ARHGAP40: variants seen among roughly 807,000 people sequenced by gnomAD.
The protein encoded by ARHGAP40 is rho GTPase-activating protein 40.
Under a neutral mutation model 73.5 loss-of-function variants are expected in ARHGAP40, and 43 were observed. That is an observed-to-expected ratio of 0.58 (90% CI 0.46 to 0.75). The LOEUF (loss-of-function observed/expected upper bound fraction) is 0.75. Among genes scored for constraint, ARHGAP40 ranks in the 30% least tolerant of loss-of-function variants. The probability of loss-of-function intolerance (pLI) is 0.00; values close to 1 mark genes in which losing one functional copy is unlikely to be tolerated. For synonymous variants in ARHGAP40, 300 were observed against 352.8 expected, an observed-to-expected ratio of 0.85 and a Z score of 1.68; for missense variants, 734 against 861.8, an observed-to-expected ratio of 0.85 and a Z score of 1.86.
At chr20:38,620,417 G>C (rs939154414) in intron 1 of ARHGAP40, among the ~76,000 whole-genome samples, 1 of 152,174 alleles carries the variant, frequency 6.6e-6, no homozygotes, top group African/African-American at 2.4e-5. Flanking sequence ...GACCTCCTCA[G>C]AATGTTCTTC....
chr20:38,647,374 CTGTTGGTTTGTT>C (rs756249904), intron 13 of ARHGAP40, among the ~76,000 whole-genome samples: 44 of 96,872 alleles, frequency 4.5e-4, no homozygotes, highest in African/African-American at 1.5e-3. Flanking sequence ...CCATGTTTTT[CTGTTGGTTTGTT>C]TGTTTGTTTG....
chr20:38,643,810 G>C (rs1258114825), exon 11 of ARHGAP40: 1 of 1,305,648 alleles, frequency 7.7e-7, no homozygotes, highest in Admixed American at 2.3e-5. Context: ...CTGCACCAAG[G>C]GCGGCCCCCC....
At chr20:38,627,087 T>C (rs1247314977) in exon 3 of ARHGAP40, 2 of 1,305,406 alleles carry the variant, frequency 1.5e-6, no homozygotes, top group South Asian at 2.5e-5. Context: ...GGAGCTCCTG[T>C]CCACCCTGAC....
chr20:38,615,592 G>C (rs1231054758), intron 1 of ARHGAP40: 6 of 489,108 alleles, frequency 1.2e-5, no homozygotes, highest in African/African-American at 9.9e-5. Flanking sequence ...TGCTCTAAGA[G>C]GTCCAATTTC....
At chr20:38,636,858 G>C (rs915607397) in intron 6 of ARHGAP40, among the ~76,000 whole-genome samples, 3 of 151,948 alleles carry the variant, frequency 2.0e-5, no homozygotes, top group Non-Finnish European at 4.4e-5. Flanking sequence ...TTGGTTTTTT[G>C]GTTTGTTTCT....
At chr20:38,612,154 T>G (rs2088808334) in intron 1 of ARHGAP40, among the ~76,000 whole-genome samples, 1 of 152,208 alleles carries the variant, frequency 6.6e-6, no homozygotes, top group African/African-American at 2.4e-5. Context: ...AATGAGATAT[T>G]TTACATTTTC....
At chr20:38,628,245 T>C (rs2088914714) in intron 3 of ARHGAP40, among the ~76,000 whole-genome samples, 1 of 152,000 alleles carries the variant, frequency 6.6e-6, no homozygotes, top group African/African-American at 2.4e-5. Flanking sequence ...TATGGAGAGG[T>C]GTTTTTGCCT....
intron 11 of ARHGAP40, 90 bp downstream of exon 11, chr20:38,644,000 C>T (rs2089036355): frequency 1.7e-6 from 2 of 1,143,792 alleles, no homozygotes; most frequent in South Asian, 1.5e-5. Flanking sequence ...CCTTTCAGTT[C>T]CCTAGTGTGT....
chr20:38,650,064 G>A (rs558758921), exon 15 of ARHGAP40: 9 of 360,770 alleles, frequency 2.5e-5, no homozygotes, highest in South Asian at 1.7e-4. Context: ...GCCTCAGGGA[G>A]GGGAGGCCAA....
At chr20:38,623,064 G>T (rs1481131863) in intron 1 of ARHGAP40, among the ~76,000 whole-genome samples, 1 of 152,178 alleles carries the variant, frequency 6.6e-6, no homozygotes, top group Admixed American at 6.5e-5. Context: ...CCCCTCTTGG[G>T]AATGCTGCCT....
exon 9 of ARHGAP40, chr20:38,639,301 C>A: frequency 7.7e-7 from 1 of 1,305,474 alleles, no homozygotes; most frequent in African/African-American, 1.5e-5. Context: ...ACAATGACGC[C>A]TCTGATTTGC....
At chr20:38,633,829 ATT>A (rs1431076109) in intron 5 of ARHGAP40, among the ~76,000 whole-genome samples, 1 of 152,170 alleles carries the variant, frequency 6.6e-6, no homozygotes, top group Admixed American at 6.5e-5. Context: ...ACGGTTGAGC[ATT>A]CTTTATTTCT....
intron 7 of ARHGAP40, 104 bp from the exon 8 acceptor site, chr20:38,638,657 C>T: frequency 1.2e-6 from 1 of 810,880 alleles, no homozygotes. Flanking sequence ...AAACCCTTCT[C>T]CTGGTACTCC....
intron 2 of ARHGAP40, among the ~76,000 whole-genome samples, chr20:38,625,706 ACCATG>A (rs1482845904): frequency 6.6e-6 from 1 of 152,216 alleles, no homozygotes; most frequent in Non-Finnish European, 1.5e-5. Flanking sequence ...GGCATGAGCC[ACCATG>A]CCTGGTCATC....
At chr20:38,627,487 G>T (rs2088906920) in intron 3 of ARHGAP40, among the ~76,000 whole-genome samples, 1 of 149,022 alleles carries the variant, frequency 6.7e-6, no homozygotes, top group African/African-American at 2.5e-5. Flanking sequence ...GTGTATGTTG[G>T]TGTGTGCATG....
intron 6 of ARHGAP40, among the ~76,000 whole-genome samples, chr20:38,637,367 T>C (rs2088981674): frequency 6.6e-6 from 1 of 152,180 alleles, no homozygotes; most frequent in African/African-American, 2.4e-5. Context: ...CAGGCTAGTC[T>C]CGACCTCCTG....
At chr20:38,609,416 G>C (rs1290406768) in intron 1 of ARHGAP40, among the ~76,000 whole-genome samples, 1 of 152,174 alleles carries the variant, frequency 6.6e-6, no homozygotes, top group Non-Finnish European at 1.5e-5. Flanking sequence ...AAGGTCTGGG[G>C]CCCACACTTT....
chr20:38,618,148 G>GT (rs2088853452), intron 1 of ARHGAP40, among the ~76,000 whole-genome samples: 1 of 151,288 alleles, frequency 6.6e-6, no homozygotes, highest in Non-Finnish European at 1.5e-5. Flanking sequence ...CACCTGGGCT[G>GT]GAGTGCAGTG....
At chr20:38,617,745 C>G (rs1323552535) in intron 1 of ARHGAP40, among the ~76,000 whole-genome samples, 1 of 152,220 alleles carries the variant, frequency 6.6e-6, no homozygotes, top group African/African-American at 2.4e-5. Flanking sequence ...AGAGGCCACT[C>G]ACTGGCTGGG....
Sources: gnomAD v4.1 joint callset for allele counts (sites outside exome capture counted in the v4.1 genomes callset) on GRCh38, gnomAD v4.1.1 for gene constraint, MANE v1.5 for transcripts, NCBI Gene and HGNC (gene_info 2026-07-23, HGNC 2026-07-21) for gene names.